Variants in NRXN1 observed in about 807,000 individuals in gnomAD.
NRXN1 encodes neurexin-1.
NRXN1 carries 39 observed loss-of-function variants against 150.9 expected under a neutral mutation model. That is an observed-to-expected ratio of 0.26 (90% CI 0.20 to 0.34). The LOEUF (loss-of-function observed/expected upper bound fraction) is 0.34. NRXN1 is among the 10% of genes least tolerant of loss of function. NRXN1 has a pLI of 1.00. For synonymous variants in NRXN1, 924 were observed against 757.0 expected (o/e 1.22, Z -3.62); for missense variants, 1,815 against 1,949.9 (o/e 0.93, Z 1.30).
At chr2:50,781,733 A>G (rs560583559) in intron 5 of NRXN1, among the ~76,000 whole-genome samples, 1 of 152,360 alleles carries the variant, frequency 6.6e-6, no homozygotes, top group African/African-American at 2.4e-5. Context: ...ATGATTGGAA[A>G]GTAAATTCAT....
In NRXN1 at chr2:50,234,770, C is replaced by A. The variant is rs114407780; in HGVS notation, c.3546+2019G>T. Among the ~76,000 whole-genome samples, 912 of 152,012 alleles carry A rather than the reference C, an allele frequency of 6.0e-3. 11 individuals carry two copies. The highest frequency in any genetic ancestry group is 0.021 in the African/African-American group (884 of 41,478). On this transcript the variant is annotated intron_variant, in intron 18 of 22. Transcript: ENST00000401669. ...GAGAAAGGGTGTGTAGAGACATGCA[C>A]TGAATCCAAAGAGAACGACCAGGCA... is the stretch of plus-strand genomic sequence containing the variant.
intron 5 of NRXN1, among the ~76,000 whole-genome samples, chr2:50,812,230 C>A (rs1668314307): frequency 6.6e-6 from 1 of 152,118 alleles, no homozygotes; most frequent in African/African-American, 2.4e-5. Context: ...AATAGGAGAA[C>A]ATATAAATAT....
chr2:50,991,633 A>C (rs1318144837), intron 2 of NRXN1, among the ~76,000 whole-genome samples: 1 of 152,042 alleles, frequency 6.6e-6, no homozygotes, highest in Non-Finnish European at 1.5e-5. Flanking sequence ...GCATTTGTCA[A>C]TGAGGCCTTT....
At chr2:50,173,530 G>A (rs2060156004) in intron 18 of NRXN1, among the ~76,000 whole-genome samples, 2 of 152,034 alleles carry the variant, frequency 1.3e-5, no homozygotes, top group South Asian at 4.2e-4. Flanking sequence ...AAGAAAACCA[G>A]TTTAAAACTC....
At chr2:50,806,779 A>G (rs1037840325) in intron 5 of NRXN1, among the ~76,000 whole-genome samples, 3 of 152,010 alleles carry the variant, frequency 2.0e-5, no homozygotes, top group Non-Finnish European at 4.4e-5. Context: ...GTCCTGCCTA[A>G]AGTTTTATAT....
At chr2:50,037,239 C>T (rs945092950) in intron 21 of NRXN1, among the ~76,000 whole-genome samples, 1 of 151,518 alleles carries the variant, frequency 6.6e-6, no homozygotes. Context: ...CTCCTTTGTT[C>T]TTTTTTTTAA....
intron 18 of NRXN1, among the ~76,000 whole-genome samples, chr2:50,125,309 C>A (rs944594332): frequency 3.3e-5 from 5 of 152,076 alleles, no homozygotes; most frequent in African/African-American, 7.2e-5. Context: ...TGAATACAAT[C>A]TATATAATCT....
At chr2:50,240,793 G>A (rs1041098018) in intron 17 of NRXN1, among the ~76,000 whole-genome samples, 43 of 151,656 alleles carry the variant, frequency 2.8e-4, no homozygotes, top group South Asian at 4.1e-4. Context: ...AATTACATGA[G>A]ATATTACAAA....
intron 18 of NRXN1, among the ~76,000 whole-genome samples, chr2:50,135,849 T>C (rs1355533454): frequency 6.6e-6 from 1 of 152,190 alleles, no homozygotes; most frequent in African/African-American, 2.4e-5. Flanking sequence ...CAAATAATTC[T>C]ACTGAGGAAA....
intron 16 of NRXN1, among the ~76,000 whole-genome samples, 158 bp from the exon 17 acceptor site, chr2:50,465,719 G>A (rs369272975): frequency 1.3e-5 from 2 of 151,984 alleles, no homozygotes; most frequent in Admixed American, 1.3e-4. Context: ...GGAACTGAGA[G>A]GCTGTAATAT....
At chr2:49,939,575 G>GTCAA (rs1427667730) in intron 22 of NRXN1, among the ~76,000 whole-genome samples, 1 of 152,194 alleles carries the variant, frequency 6.6e-6, no homozygotes, top group Non-Finnish European at 1.5e-5. Flanking sequence ...CACCCAGGAT[G>GTCAA]TTGACCCTGA....
intron 18 of NRXN1, among the ~76,000 whole-genome samples, chr2:50,159,389 T>G (rs891844763): frequency 4.6e-5 from 7 of 151,694 alleles, no homozygotes; most frequent in Non-Finnish European, 1.0e-4. Context: ...ACTATACCAA[T>G]TTACTGTTCT....
chr2:50,932,204 A>G (rs1053070183), intron 2 of NRXN1, among the ~76,000 whole-genome samples: 2 of 152,022 alleles, frequency 1.3e-5, no homozygotes, highest in African/African-American at 2.4e-5. Context: ...CCTGGCTAAC[A>G]TGGTAAAACC....
chr2:50,360,925 C>T (rs1280732333), intron 17 of NRXN1, among the ~76,000 whole-genome samples: 1 of 152,010 alleles, frequency 6.6e-6, no homozygotes, highest in African/African-American at 2.4e-5. Flanking sequence ...CTCAGACCAC[C>T]GTACAATCAA....
chr2:50,347,485 G>C lies in NRXN1; in HGVS notation c.3365-110515C>G, dbSNP rs200877329. 9.4e-7 allele frequency: 1 copy of C among 1,065,722 alleles called. No individual in the cohort carries two copies. The highest frequency in any genetic ancestry group is 1.1e-6 in the Non-Finnish European group (1 of 877,092). The allele number at this position is 1,065,722 out of a possible 1,614,324, so 66.0% of individuals were successfully genotyped here. Reference sequence around the variant, plus strand: ...CAGAAGCAGACCCCATGGAATCCAGGCGCCCCTTCCCTCCATTCAGCCCCG... The same window carrying C: ...CAGAAGCAGACCCCATGGAATCCAGCCGCCCCTTCCCTCCATTCAGCCCCG... On this transcript the variant is annotated intron_variant, in intron 17 of 22. Coordinates refer to ENST00000401669, the MANE Select transcript of NRXN1 (RefSeq NM_001330078.2). The surrounding 1 kb of genome is among the most constrained non-coding windows in gnomAD (Gnocchi z 4.9).
At chr2:50,391,770 T>C (rs1460773617) in intron 17 of NRXN1, among the ~76,000 whole-genome samples, 2 of 152,144 alleles carry the variant, frequency 1.3e-5, no homozygotes, top group Admixed American at 1.3e-4. Context: ...AGAATTAAAA[T>C]GGTCAGGCTG....
chr2:50,900,717 C>T (rs960120385), intron 5 of NRXN1, among the ~76,000 whole-genome samples: 43 of 152,258 alleles, frequency 2.8e-4, no homozygotes, highest in African/African-American at 9.4e-4. Flanking sequence ...AACATTTGCA[C>T]ATTTCTGAGC....
At chr2:50,408,988 T>G (rs1426441239) in intron 17 of NRXN1, among the ~76,000 whole-genome samples, 1 of 152,096 alleles carries the variant, frequency 6.6e-6, no homozygotes, top group African/African-American at 2.4e-5. Flanking sequence ...AAAATTGACA[T>G]GTGGTAACTT....
chr2:50,267,268 C>T (rs1209074697), intron 17 of NRXN1, among the ~76,000 whole-genome samples: 1 of 152,158 alleles, frequency 6.6e-6, no homozygotes, highest in Non-Finnish European at 1.5e-5. Flanking sequence ...ATTTCCTTGT[C>T]ACTGTTTCTG....
Sources: gnomAD v4.1 joint callset for allele counts (sites outside exome capture counted in the v4.1 genomes callset) on GRCh38, gnomAD v4.1.1 for gene constraint, Gnocchi (gnomAD v3.1) non-coding constraint, MANE v1.5 for transcripts, NCBI Gene and HGNC (gene_info 2026-07-23, HGNC 2026-07-21) for gene names.